Variants in PDE4DIP observed in about 807,000 individuals in gnomAD.
PDE4DIP encodes the protein phosphodiesterase 4D interacting protein, also known as myomegalin.
Under a neutral mutation model 221.4 loss-of-function variants are expected in PDE4DIP, and 59 were observed. The observed-to-expected ratio is 0.27, with a 90% CI of 0.22 to 0.33. The LOEUF (loss-of-function observed/expected upper bound fraction) is 0.33, where lower values mean the gene tolerates loss of function less well. Among genes scored for constraint, PDE4DIP ranks in the 10% least tolerant of loss-of-function variants. The pLI is 1.00. For synonymous variants in PDE4DIP, 404 were observed against 815.9 expected (o/e 0.50, Z 8.60); for missense variants, 1,036 against 2,154.2 (o/e 0.48, Z 10.28).
At chr1:148,986,690 C>T (rs2061962594) in intron 21 of PDE4DIP, among the ~76,000 whole-genome samples, 1 of 152,068 alleles carries the variant, frequency 6.6e-6, no homozygotes, top group South Asian at 2.1e-4. Context: ...TTATACTTTC[C>T]CCGGAAATGT....
At chr1:148,954,705 T>C (rs1385083107) in intron 5 of PDE4DIP, among the ~76,000 whole-genome samples, 1 of 152,150 alleles carries the variant, frequency 6.6e-6, no homozygotes, top group African/African-American at 2.4e-5. Flanking sequence ...TTTGAGCTAT[T>C]CGTGTCTGCC....
At chr1:148,997,833 C>A (rs1298281221) in intron 22 of PDE4DIP, among the ~76,000 whole-genome samples, 2 of 152,228 alleles carry the variant, frequency 1.3e-5, no homozygotes, top group Non-Finnish European at 2.9e-5. Context: ...CGTATTCACA[C>A]CCTCCAGTCC....
chr1:149,012,681 C>A, exon 32 of PDE4DIP: 1 of 1,613,834 alleles, frequency 6.2e-7, no homozygotes, highest in East Asian at 2.2e-5. Flanking sequence ...TTCAGCCCCA[C>A]TGGCCCTCTC....
intron 1 of PDE4DIP, among the ~76,000 whole-genome samples, chr1:148,824,421 A>C (rs1395687618): frequency 2.1e-5 from 3 of 144,716 alleles, no homozygotes; most frequent in African/African-American, 7.8e-5. Context: ...CTTTTTAAAA[A>C]ATAATCTAAT....
chr1:148,969,164 A>G (rs2058719332), intron 14 of PDE4DIP, 134 bp downstream of exon 17: 3 of 558,996 alleles, frequency 5.4e-6, no homozygotes, highest in South Asian at 5.1e-5. Context: ...CTTTCCTTCT[A>G]TTTATTACCT....
chr1:148,863,858 T>C (rs1685350194), intron 2 of PDE4DIP, among the ~76,000 whole-genome samples: 1 of 134,548 alleles, frequency 7.4e-6, no homozygotes, highest in Admixed American at 7.1e-5. Context: ...CTTTTAACGG[T>C]TCTGTAATTG....
At chr1:148,949,139 T>A (rs1303310869) in intron 5 of PDE4DIP, among the ~76,000 whole-genome samples, 9 of 152,188 alleles carry the variant, frequency 5.9e-5, no homozygotes, top group Non-Finnish European at 8.8e-5. Context: ...TCTACCTTTT[T>A]CTTAGTAACA....
chr1:148,952,246 AT>A (rs1483543114), intron 5 of PDE4DIP: 1 of 1,010,514 alleles, frequency 9.9e-7, no homozygotes, highest in Non-Finnish European at 1.2e-6. Flanking sequence ...GTGCAACCGG[AT>A]TTGGGGCGAG....
intron 2 of PDE4DIP, chr1:148,930,589 C>T (rs1422335316): frequency 6.6e-6 from 1 of 151,290 alleles, no homozygotes. Context: ...GAATGCAATC[C>T]CATTTACAAT....
At chr1:148,919,182 CTT>C (rs1314995549) in intron 1 of PDE4DIP, among the ~76,000 whole-genome samples, 3 of 145,154 alleles carry the variant, frequency 2.1e-5, no homozygotes, top group Admixed American at 6.8e-5. Context: ...AGTGTAAAAA[CTT>C]AATGCTTTGC....
chr1:148,983,508 T>TGCAA lies in PDE4DIP; in HGVS notation c.2815+2112_2815+2115dup, dbSNP rs200560906. 8 of 152,654 alleles carry TGCAA rather than the reference T, an allele frequency of 5.2e-5. No homozygotes were observed. The East Asian group carries it at 1.5e-3, about 29-fold the overall frequency. 9.5% of individuals were successfully genotyped at this position (152,654 alleles called of 1,614,324 possible). The stretch of plus-strand genomic sequence containing the variant: ...GGGTCTAGATAGCTGGAATGAGGCT[T>TGCAA]GCAAACAGTGTTATCTGGAGAGAGC... On this transcript the variant is annotated intron_variant, in intron 21 of 43. Coordinates refer to ENST00000369354, the Ensembl canonical transcript of PDE4DIP.
intron 14 of PDE4DIP, among the ~76,000 whole-genome samples, chr1:148,969,817 C>G (rs199589482): frequency 1.3e-5 from 2 of 150,592 alleles, no homozygotes; most frequent in East Asian, 3.9e-4. Flanking sequence ...AGCAATTCTT[C>G]TGCTTCAGCC....
chr1:149,027,292 TC>T (rs1287409552), intron 39 of PDE4DIP, 108 bp from the exon 43 acceptor site: 1 of 594,056 alleles, frequency 1.7e-6, no homozygotes, highest in East Asian at 2.8e-5. Flanking sequence ...CCTTTCTTGT[TC>T]CCGGCCTCGT....
At chr1:148,992,386 C>A in intron 22 of PDE4DIP, 1 of 1,479,360 alleles carries the variant, frequency 6.8e-7, no homozygotes, top group Non-Finnish European at 9.0e-7. Context: ...GGCGGAGGAC[C>A]TGCTTGGGAA....
chr1:148,934,202 T>A (rs2048672120), intron 4 of PDE4DIP, among the ~76,000 whole-genome samples: 1 of 152,108 alleles, frequency 6.6e-6, no homozygotes, highest in South Asian at 2.1e-4. Context: ...GAATGAAGTT[T>A]CTGTATTGTT....
intron 1 of PDE4DIP, among the ~76,000 whole-genome samples, chr1:148,813,729 T>A (rs1409884088): frequency 8.2e-6 from 1 of 122,622 alleles, no homozygotes; most frequent in Non-Finnish European, 1.7e-5. Flanking sequence ...TCCATTTGAG[T>A]TAACTTTTGT....
chr1:148,961,417 G>A (rs1264994288), intron 6 of PDE4DIP, among the ~76,000 whole-genome samples: 1 of 152,006 alleles, frequency 6.6e-6, no homozygotes, highest in Non-Finnish European at 1.5e-5. Context: ...GAATTTTAAT[G>A]TCTGGCTTAG....
intron 1 of PDE4DIP, among the ~76,000 whole-genome samples, chr1:148,897,878 T>TCTC (rs1218003995): frequency 6.0e-5 from 9 of 150,968 alleles, no homozygotes; most frequent in Non-Finnish European, 1.2e-4. Flanking sequence ...CAAAGGCAAC[T>TCTC]CTGTTTTCTG....
chr1:148,954,078 C>G, intron 5 of PDE4DIP, among the ~76,000 whole-genome samples: 1 of 152,176 alleles, frequency 6.6e-6, no homozygotes, highest in East Asian at 1.9e-4. Flanking sequence ...GATTTGCACT[C>G]AGATAATTTG....
Sources: allele counts gnomAD v4.1 joint callset (sites outside exome capture counted in the v4.1 genomes callset), GRCh38; gene constraint gnomAD v4.1.1; transcripts MANE v1.5; gene names NCBI Gene and HGNC (gene_info 2026-07-23, HGNC 2026-07-21).